The following DOK6 variants were observed in gnomAD, a reference collection of about 807,000 sequenced individuals.
DOK6 encodes the protein downstream of tyrosine kinase 6.
Under a neutral mutation model 44.0 loss-of-function variants are expected in DOK6, and 22 were observed. That is an observed-to-expected ratio of 0.50 (90% CI 0.36 to 0.71). The LOEUF is 0.71. Ranked by LOEUF, DOK6 falls within the 30% of genes least tolerant of loss-of-function variation. The probability of loss-of-function intolerance (pLI) is 0.00; values close to 1 mark genes in which losing one functional copy is unlikely to be tolerated. For missense variants in DOK6, 340 were observed against 416.4 expected, an observed-to-expected ratio of 0.82 and a Z score of 1.60; for synonymous variants, 166 against 145.5, an observed-to-expected ratio of 1.14 and a Z score of -1.01.
rs551522622 is a variant in DOK6, at chr18:69,747,724, A to G, written c.738+8621A>G. Among the ~76,000 whole-genome samples, 6 of 152,304 alleles carry G rather than the reference A, an allele frequency of 3.9e-5. No individual in the cohort carries two copies. The East Asian group carries it at 1.2e-3, about 29-fold the overall frequency. ...TGAGCAAATTCTTGAATTTTTCTGC[A>G]TGTTGATTTCCCATCTGTAAGAAAA... On this transcript the variant is annotated intron_variant, in intron 6 of 7. Coordinates refer to ENST00000382713, the MANE Select transcript of DOK6 (RefSeq NM_152721.6).
At chr18:69,506,588 T>C (rs1057073567) in intron 1 of DOK6, among the ~76,000 whole-genome samples, 1 of 152,186 alleles carries the variant, frequency 6.6e-6, no homozygotes, top group African/African-American at 2.4e-5. Flanking sequence ...GGGTCACTTC[T>C]TTTTCATTGG....
intron 7 of DOK6, among the ~76,000 whole-genome samples, chr18:69,824,215 G>T (rs1213317396): frequency 3.2e-5 from 3 of 93,378 alleles, no homozygotes; most frequent in East Asian, 3.8e-4. Context: ...CCCACAACAG[G>T]CCCCGGTGTG....
chr18:69,463,222 G>C (rs2122477290), intron 1 of DOK6, among the ~76,000 whole-genome samples: 1 of 152,198 alleles, frequency 6.6e-6, no homozygotes, highest in African/African-American at 2.4e-5. Flanking sequence ...AAGGGCACCA[G>C]GCCTAATCAT....
chr18:69,783,972 T>C (rs1336987436), intron 7 of DOK6, among the ~76,000 whole-genome samples: 6 of 152,170 alleles, frequency 3.9e-5, no homozygotes, highest in African/African-American at 7.2e-5. Context: ...GGCGTGTTGA[T>C]CACTTCAGCC....
At chr18:69,568,109 C>A (rs1345301700) in intron 2 of DOK6, among the ~76,000 whole-genome samples, 3 of 152,206 alleles carry the variant, frequency 2.0e-5, no homozygotes, top group Non-Finnish European at 4.4e-5. Flanking sequence ...CAAGCCCAAC[C>A]TGTGCCCTGG....
intron 3 of DOK6, among the ~76,000 whole-genome samples, chr18:69,629,236 C>A (rs965782830): frequency 6.6e-6 from 1 of 152,160 alleles, no homozygotes; most frequent in African/African-American, 2.4e-5. Context: ...CTGGAGCAAT[C>A]CAGAAGACTG....
chr18:69,467,204 C>T (rs79904767), intron 1 of DOK6, among the ~76,000 whole-genome samples: 10,635 of 152,090 alleles, frequency 0.07, 1,159 homozygotes, highest in African/African-American at 0.23. Context: ...TATGAAAACA[C>T]GCCATATTCT....
intron 1 of DOK6, among the ~76,000 whole-genome samples, chr18:69,501,135 A>G (rs921575637): frequency 4.6e-5 from 7 of 152,142 alleles, no homozygotes; most frequent in African/African-American, 1.7e-4. Context: ...CTAAAACGTC[A>G]TATTTTCTAC....
Position 69,401,327 on chromosome 18 carries a change from G to C in DOK6, c.66+17G>C. The C allele has an allele frequency of 6.6e-7, 1 of 1,509,380 alleles. No individual in the cohort carries two copies. Among genetic ancestry groups the C allele is most frequent in the Non-Finnish European group, 8.9e-7 (1 of 1,127,498 alleles). 93.5% of individuals were successfully genotyped at this position (1,509,380 alleles called of 1,614,324 possible). ...AAGCTTGGGGTGAGTGGCTCGCTCG[G>C]CTTGCTCCTTCCCCGGCGCTCGTTC... is the stretch of plus-strand genomic sequence containing the variant. On this transcript the variant is annotated intron_variant, in intron 1 of 7. Transcript: ENST00000382713.
chr18:69,477,604 A>G (rs1375927241), intron 1 of DOK6, among the ~76,000 whole-genome samples: 2 of 152,220 alleles, frequency 1.3e-5, no homozygotes, highest in Non-Finnish European at 2.9e-5. Context: ...AATAGAAGCT[A>G]ATGTATATTT....
At chr18:69,499,803 T>C (rs186616126) in intron 1 of DOK6, among the ~76,000 whole-genome samples, 1 of 152,326 alleles carries the variant, frequency 6.6e-6, no homozygotes, top group African/African-American at 2.4e-5. Context: ...TCTTTCATTT[T>C]TATTAGTTGT....
At chr18:69,695,810 A>C (rs1986376273) in intron 4 of DOK6, among the ~76,000 whole-genome samples, 1 of 152,224 alleles carries the variant, frequency 6.6e-6, no homozygotes, top group African/African-American at 2.4e-5. Flanking sequence ...ATCTTAGCAT[A>C]ATGTCTTTCT....
At chr18:69,446,179 T>G (rs1039409294) in intron 1 of DOK6, among the ~76,000 whole-genome samples, 1 of 151,160 alleles carries the variant, frequency 6.6e-6, no homozygotes, top group African/African-American at 2.4e-5. Context: ...TTACATTAGG[T>G]ATATCTCCTA....
At chr18:69,475,223 A>C (rs1212252041) in intron 1 of DOK6, among the ~76,000 whole-genome samples, 1 of 152,212 alleles carries the variant, frequency 6.6e-6, no homozygotes, top group African/African-American at 2.4e-5. Context: ...GGTTAGGTAG[A>C]GGAGAGTATT....
chr18:69,600,909 A>G (rs1352367485), intron 3 of DOK6, among the ~76,000 whole-genome samples: 1 of 152,192 alleles, frequency 6.6e-6, no homozygotes, highest in African/African-American at 2.4e-5. Flanking sequence ...CATTCAATAT[A>G]TTGCTGCTTT....
chr18:69,694,058 C>CAAAAAAAAAAAAAAAAAAAAA lies in DOK6; in HGVS notation c.410-4334_410-4314dup, dbSNP rs60662789. ...TGGGCGACAGAGCGAGACTCCGTGT[C>CAAAAAAAAAAAAAAAAAAAAA]AAAAAAAAAAAAAAAAAAAAAAAAA... On this transcript the variant is annotated intron_variant, in intron 4 of 7. Coordinates refer to ENST00000382713, the MANE Select transcript of DOK6 (RefSeq NM_152721.6). 8.1e-5 allele frequency among the ~76,000 whole-genome samples: 5 copies of CAAAAAAAAAAAAAAAAAAAAA among 61,980 alleles called. 1 individual carries two copies. Among genetic ancestry groups the CAAAAAAAAAAAAAAAAAAAAA allele is most frequent in the Admixed American group, 2.4e-4 (1 of 4,160 alleles). The allele number at this position is 61,980 out of a possible 152,430, so 40.7% of individuals were successfully genotyped here. A position where few individuals can be genotyped will look rare whatever the true frequency, so the allele number is the denominator to read the frequency against.
chr18:69,804,565 T>C (rs918500189), intron 7 of DOK6, among the ~76,000 whole-genome samples: 30 of 152,224 alleles, frequency 2.0e-4, no homozygotes, highest in African/African-American at 7.2e-4. Flanking sequence ...GTCCATGTTT[T>C]CTAAGTCTGT....
chr18:69,712,939 T>A (rs1325118014), intron 5 of DOK6, among the ~76,000 whole-genome samples: 1 of 152,182 alleles, frequency 6.6e-6, no homozygotes, highest in Non-Finnish European at 1.5e-5. Context: ...CCTGATTTGA[T>A]TACATAGGTG....
chr18:69,781,722 T>C (rs1196193749), intron 7 of DOK6, among the ~76,000 whole-genome samples: 1 of 152,218 alleles, frequency 6.6e-6, no homozygotes, highest in Non-Finnish European at 1.5e-5. Flanking sequence ...ATTGAAATCA[T>C]TTACCATTTT....
Sources: gnomAD v4.1 joint callset for allele counts (sites outside exome capture counted in the v4.1 genomes callset) on GRCh38, gnomAD v4.1.1 for gene constraint, MANE v1.5 for transcripts, NCBI Gene and HGNC (gene_info 2026-07-23, HGNC 2026-07-21) for gene names.